Variants in CHMP2A observed in about 807,000 individuals in gnomAD.
CHMP2A encodes the protein VPS2 homolog A.
CHMP2A carries 6 observed loss-of-function variants against 21.8 expected under a neutral mutation model. That is an observed-to-expected ratio of 0.28 (90% CI 0.15 to 0.54). The LOEUF (loss-of-function observed/expected upper bound fraction) is 0.54. Ranked by LOEUF, CHMP2A falls within the 20% of genes least tolerant of loss-of-function variation. The pLI, the probability that CHMP2A is intolerant of heterozygous loss-of-function variation, is 0.95. For synonymous variants in CHMP2A, 125 were observed against 107.0 expected (o/e 1.17, Z -1.04); for missense variants, 303 against 293.9 (o/e 1.03, Z -0.23).
Position 58,551,573 on chromosome 19 carries a change from A to C in CHMP2A, c.*76T>G. 2 of 1,531,480 alleles carry C rather than the reference A, an allele frequency of 1.3e-6. No homozygotes were observed. The highest frequency in any genetic ancestry group is 1.8e-6 in the Non-Finnish European group (2 of 1,122,720). The allele number at this position is 1,531,480 out of a possible 1,614,324, so 94.9% of individuals were successfully genotyped here. A position where few individuals can be genotyped will look rare whatever the true frequency, so the allele number is the denominator to read the frequency against. ...TCACATGGGCCTGGAGACTAGTGTC[A>C]AATCTCTTTTATTACAGAGGGGTTG... On this transcript the variant is annotated 3_prime_UTR_variant, in exon 6 of 6. Transcript: ENST00000312547.
At chr19:58,553,061 C>CT (rs370666092) in intron 2 of CHMP2A, among the ~76,000 whole-genome samples, 23,404 of 144,540 alleles carry the variant, frequency 0.16, 1,994 homozygotes, top group Middle Eastern at 0.23. Context: ...TTACCCTTAC[C>CT]TTTTTTTTTT....
intron 2 of CHMP2A, among the ~76,000 whole-genome samples, chr19:58,553,189 C>T (rs1308506727): frequency 6.6e-6 from 1 of 151,444 alleles, no homozygotes; most frequent in Non-Finnish European, 1.5e-5. Context: ...TCTCGAATAG[C>T]TGGGATAACA....
intron 1 of CHMP2A, 24 bp from the exon 2 acceptor site, chr19:58,554,260 C>T (rs1171116471): frequency 6.3e-7 from 1 of 1,580,682 alleles, no homozygotes; most frequent in East Asian, 2.2e-5. Context: ...GAGTGAGGCC[C>T]AGTTGTAGGG....
intron 2 of CHMP2A, among the ~76,000 whole-genome samples, chr19:58,552,800 G>A (rs981634190): frequency 6.6e-6 from 1 of 152,172 alleles, no homozygotes; most frequent in South Asian, 2.1e-4. Context: ...CCTAGACAAA[G>A]AATCTGTCTC....
At chr19:58,552,605 C>T (rs904879525) in intron 2 of CHMP2A, among the ~76,000 whole-genome samples, 167 bp from the exon 3 acceptor site, 1 of 152,184 alleles carries the variant, frequency 6.6e-6, no homozygotes, top group Non-Finnish European at 1.5e-5. Flanking sequence ...CTCCTTCTGA[C>T]CTAACCCTCC....
Position 58,552,134 on chromosome 19 carries a change from C to G in CHMP2A, c.400G>C (p.Glu134Gln), listed in dbSNP as rs1383450597. ...KIMMEFERQA[E>Q]IMDMKEEMMN... The stretch of plus-strand genomic sequence containing the variant: ...ATCTCCTCCTTCATATCCATGATCT[C>G]TGCCTGCCGCTCAAACTCCATCATG... Residue 134 changes from glutamate (E) to glutamine (Q), a missense_variant, in exon 4 of 6, where the codon GAG becomes CAG. By Grantham distance (29) the Glu-to-Gln change is conservative. Transcript: ENST00000312547. The G allele has an allele frequency of 1.2e-6, 2 of 1,614,124 alleles. No individual in the cohort carries two copies. Among genetic ancestry groups the G allele is most frequent in the East Asian group, 2.2e-5 (1 of 44,900 alleles).
chr19:58,551,907 C>T lies in CHMP2A; in HGVS notation c.540G>A (p.Ser180=), dbSNP rs770955835. 1.3e-5 allele frequency: 21 copies of T among 1,613,932 alleles called. No individual in the cohort carries two copies. The highest frequency in any genetic ancestry group is 8.3e-5 in the Admixed American group (5 of 59,976). The change falls in exon 5 of 6, where the codon TCG becomes TCA. Residue 180 remains serine (S), a splice_region_variant and synonymous_variant. Coordinates refer to ENST00000312547, the MANE Select transcript of CHMP2A (RefSeq NM_014453.4). ...ELGLSLTDEL[S]NLPSTGGSLS... ...GGGTCCAGGATTTGGAGCACTCACT[C>T]GACAGCTCATCTGTTAGGCTAAGTC...
At chr19:58,553,748 C>G in intron 2 of CHMP2A, 1 of 399,066 alleles carries the variant, frequency 2.5e-6, no homozygotes, top group East Asian at 6.1e-5. Context: ...ATGCCCAACT[C>G]TTGAAGCTCA....
intron 2 of CHMP2A, 79 bp downstream of exon 2, chr19:58,553,966 T>G: frequency 6.4e-7 from 1 of 1,568,592 alleles, no homozygotes; most frequent in Non-Finnish European, 8.7e-7. Context: ...GCACCTGTGT[T>G]TGGTGTCTGG....
In CHMP2A at chr19:58,554,029, G is replaced by A. The variant is rs1309619782; in HGVS notation, c.168+16C>T. ...GTGCCTGATTGACAGCAACCTGCCC[G>A]ACCACCCACACTCACCATCTGGCCT... On this transcript the variant is annotated intron_variant, in intron 2 of 5. Coordinates refer to ENST00000312547, the MANE Select transcript of CHMP2A (RefSeq NM_014453.4). 6.2e-7 allele frequency: 1 copy of A among 1,612,602 alleles called. No individual in the cohort carries two copies. Among genetic ancestry groups the A allele is most frequent in the African/African-American group, 1.3e-5 (1 of 74,908 alleles).
intron 2 of CHMP2A, 51 bp from the exon 3 acceptor site, chr19:58,552,489 CT>C (rs1240312776): frequency 1.3e-6 from 2 of 1,551,268 alleles, no homozygotes; most frequent in African/African-American, 1.4e-5. Flanking sequence ...TTATCCTACA[CT>C]TCTTGACACC....
At chr19:58,554,846 G>A (rs1350536645) in intron 1 of CHMP2A, 142 bp downstream of exon 1, 1 of 152,554 alleles carries the variant, frequency 6.6e-6, no homozygotes, top group East Asian at 1.9e-4. Flanking sequence ...CGGCACCAAA[G>A]CAAGGTGGTG....
chr19:58,552,667 C>T (rs1205283559), intron 2 of CHMP2A, among the ~76,000 whole-genome samples: 1 of 152,214 alleles, frequency 6.6e-6, no homozygotes, highest in African/African-American at 2.4e-5. Flanking sequence ...GTCCTCCTCA[C>T]TTCTCTTGAT....
intron 1 of CHMP2A, 50 bp from the exon 2 acceptor site, chr19:58,554,286 G>A: frequency 6.6e-7 from 1 of 1,523,802 alleles, no homozygotes; most frequent in East Asian, 2.3e-5. Context: ...GGCCCAGGAG[G>A]GCAAGAAGCA....
intron 2 of CHMP2A, among the ~76,000 whole-genome samples, chr19:58,553,544 T>A (rs887661507): frequency 6.0e-5 from 9 of 150,366 alleles, no homozygotes; most frequent in African/African-American, 2.2e-4. Context: ...GCTAGTTTTT[T>A]TTATTTTCAG....
At chr19:58,554,002 C>T in intron 2 of CHMP2A, 43 bp downstream of exon 2, 1 of 1,608,738 alleles carries the variant, frequency 6.2e-7, no homozygotes, top group South Asian at 1.1e-5. Flanking sequence ...GCTGTTAGAG[C>T]CGTGCCTGAT....
chr19:58,551,908 G>T lies in CHMP2A; in HGVS notation c.539C>A (p.Ser180Ter). 6.2e-7 allele frequency: 1 copy of T among 1,614,052 alleles called. No homozygotes were observed. The highest frequency in any genetic ancestry group is 1.1e-5 in the South Asian group (1 of 91,048). ...ELGLSLTDEL[S>*]NLPSTGGSLS... is the part of the protein sequence containing the mutation. ...GGTCCAGGATTTGGAGCACTCACTCGACAGCTCATCTGTTAGGCTAAGTCC... is the reference window on the plus strand; with the variant it reads ...GGTCCAGGATTTGGAGCACTCACTCTACAGCTCATCTGTTAGGCTAAGTCC... The change falls in exon 5 of 6, where the codon TCG (serine) becomes TAG (stop). Residue 180 changes from serine to a stop codon, truncating the protein, a stop_gained and splice_region_variant. Transcript: ENST00000312547. LOFTEE classifies it high-confidence loss of function.
rs765188676 is a variant in CHMP2A, at chr19:58,552,254, C to T, written c.348+5G>A. 11 of 1,614,126 alleles carry T rather than the reference C, an allele frequency of 6.8e-6. No homozygotes were observed. The highest frequency in any genetic ancestry group is 5.0e-5 in the Admixed American group (3 of 60,018). ...GAGTGGGAAGGGGGATTGGGAAAAG[C>T]GCACCTGTCTGTTCATGGTGCCCAT... is the stretch of plus-strand genomic sequence containing the variant. On this transcript the variant is annotated splice_donor_5th_base_variant and intron_variant, in intron 3 of 5. Transcript: ENST00000312547.
intron 1 of CHMP2A, 166 bp from the exon 2 acceptor site, chr19:58,554,402 G>A (rs2053868430): frequency 1.6e-6 from 1 of 617,742 alleles, no homozygotes; most frequent in South Asian, 2.2e-5. Context: ...ATTGTCCCGG[G>A]GACACATAAA....
Sources: gnomAD v4.1 joint callset for allele counts (sites outside exome capture counted in the v4.1 genomes callset) on GRCh38, gnomAD v4.1.1 for gene constraint, MANE v1.5 for transcripts, NCBI Gene and HGNC (gene_info 2026-07-23, HGNC 2026-07-21) for gene names.